The following SETBP1 variants were observed in gnomAD, a reference collection of about 807,000 sequenced individuals.
SETBP1 encodes SET-binding protein.
In SETBP1, 9 loss-of-function variants were observed where a neutral mutation model predicts 101.0. The ratio of observed to expected loss-of-function variants is 0.09; its 90% confidence interval spans 0.05 to 0.16. The LOEUF (loss-of-function observed/expected upper bound fraction) is 0.16, where lower values mean the gene tolerates loss of function less well. Among genes scored for constraint, SETBP1 ranks in the 10% least tolerant of loss-of-function variants. The probability of loss-of-function intolerance (pLI) is 1.00; values close to 1 mark genes in which losing one functional copy is unlikely to be tolerated. For synonymous variants in SETBP1, 818 were observed against 788.5 expected (o/e 1.04, Z -0.63); for missense variants, 1,858 against 2,033.8 (o/e 0.91, Z 1.66).
intron 4 of SETBP1, among the ~76,000 whole-genome samples, chr18:45,009,147 C>T (rs1014936315): frequency 5.9e-5 from 9 of 152,080 alleles, no homozygotes; most frequent in Non-Finnish European, 1.2e-4. Flanking sequence ...CCACAGGGCA[C>T]CGGAAGGAGT....
At chr18:44,946,283 A>G (rs77506365) in intron 3 of SETBP1, among the ~76,000 whole-genome samples, 272 of 152,302 alleles carry the variant, frequency 1.8e-3, no homozygotes, top group African/African-American at 6.2e-3. Flanking sequence ...GGTAGGAACA[A>G]TGGGATCAGG....
At chr18:44,808,581 G>A (rs1393622815) in intron 2 of SETBP1, among the ~76,000 whole-genome samples, 1 of 152,102 alleles carries the variant, frequency 6.6e-6, no homozygotes, top group Non-Finnish European at 1.5e-5. Context: ...ACAGAAAAGC[G>A]GTCAGGACCC....
intron 4 of SETBP1, among the ~76,000 whole-genome samples, chr18:45,017,139 T>C (rs2072963691): frequency 1.3e-5 from 2 of 152,024 alleles, no homozygotes; most frequent in Non-Finnish European, 2.9e-5. Flanking sequence ...GGACTCTGAA[T>C]TGATTTTCAC....
rs10699106 is a variant in SETBP1, at chr18:44,860,747, CA to C, written c.487-8469del. Among the ~76,000 whole-genome samples, 298 of 133,080 alleles carry C rather than the reference CA, an allele frequency of 2.2e-3. 1 individual carries two copies. The highest frequency in any genetic ancestry group is 0.011 in the East Asian group (51 of 4,592). 87.3% of individuals were successfully genotyped at this position (133,080 alleles called of 152,430 possible). A position where few individuals can be genotyped will look rare whatever the true frequency, so the allele number is the denominator to read the frequency against. ...GGGTGACAAGAGTGAAACTTCATCT[CA>C]AAAAAAAAAAAAAGTATAAAGAAAG... On this transcript the variant is annotated intron_variant, in intron 2 of 5. Coordinates refer to ENST00000649279, the MANE Select transcript of SETBP1 (RefSeq NM_015559.3).
intron 2 of SETBP1, among the ~76,000 whole-genome samples, chr18:44,796,718 A>G (rs553076771): frequency 6.6e-6 from 1 of 152,286 alleles, no homozygotes; most frequent in East Asian, 1.9e-4. Context: ...CCTTCTTTCA[A>G]TGTAGGGTTT....
At chr18:44,771,837 G>A (rs1420998671) in intron 2 of SETBP1, among the ~76,000 whole-genome samples, 2 of 152,186 alleles carry the variant, frequency 1.3e-5, no homozygotes, top group African/African-American at 4.8e-5. Flanking sequence ...GGGAATGGAG[G>A]AGAAACTCTG....
At chr18:44,736,378 C>T (rs1235349811) in intron 2 of SETBP1, among the ~76,000 whole-genome samples, 3 of 152,192 alleles carry the variant, frequency 2.0e-5, no homozygotes, top group Non-Finnish European at 4.4e-5. Context: ...GAGATCACGT[C>T]TGTTTACTTA....
At position 45,002,291 on chromosome 18, in the gene SETBP1, A is replaced by T. The variant is rs1176280750; in HGVS notation, c.4001-36194A>T. 8.0e-5 allele frequency among the ~76,000 whole-genome samples: 11 copies of T among 136,916 alleles called. 1 individual carries two copies. The highest frequency in any genetic ancestry group is 7.1e-4 in the South Asian group (3 of 4,228). 89.8% of individuals were successfully genotyped at this position (136,916 alleles called of 152,430 possible). A position where few individuals can be genotyped will look rare whatever the true frequency, so the allele number is the denominator to read the frequency against. On this transcript the variant is annotated intron_variant, in intron 4 of 5. Transcript: ENST00000649279. ...TGGAGGGCAAGGGTTGAGAAGAACC[A>T]TTTTTTTTTTTTTTTTGTCAAGAGG...
At chr18:45,031,669 A>G (rs1297040586) in intron 4 of SETBP1, among the ~76,000 whole-genome samples, 1 of 152,238 alleles carries the variant, frequency 6.6e-6, no homozygotes, top group Non-Finnish European at 1.5e-5. Context: ...TCCATCTAAC[A>G]TTTGTAAGTA....
intron 1 of SETBP1, among the ~76,000 whole-genome samples, chr18:44,699,350 G>A (rs1205543698): frequency 2.6e-5 from 4 of 152,166 alleles, no homozygotes; most frequent in Non-Finnish European, 5.9e-5. Context: ...AATTTCCTAA[G>A]GTACATTGAT....
intron 3 of SETBP1, among the ~76,000 whole-genome samples, chr18:44,945,361 C>G (rs2071181686): frequency 6.6e-6 from 1 of 152,212 alleles, no homozygotes. Context: ...GAGAGAATAG[C>G]TATCTACTTT....
intron 2 of SETBP1, among the ~76,000 whole-genome samples, chr18:44,820,284 C>T (rs1406868295): frequency 6.6e-6 from 1 of 152,204 alleles, no homozygotes; most frequent in Non-Finnish European, 1.5e-5. Flanking sequence ...TTCAATCACA[C>T]CAGTTGGTTG....
rs138876426 is a variant in SETBP1, at chr18:44,904,028, T to C, written c.540+34745T>C. Among the ~76,000 whole-genome samples the C allele has an allele frequency of 4.1e-3, 618 of 152,310 alleles. 7 individuals are homozygous for C. The highest frequency in any genetic ancestry group is 0.014 in the African/African-American group (591 of 41,566). On this transcript the variant is annotated intron_variant, in intron 3 of 5. Transcript: ENST00000649279. ...TCTTATTATCTTACATAAAATCTTC[T>C]AGGGTACTGAGTCTACAGCAGGCAA... is the stretch of plus-strand genomic sequence containing the variant.
chr18:45,046,912 A>G (rs2073624462), intron 5 of SETBP1, among the ~76,000 whole-genome samples: 1 of 152,230 alleles, frequency 6.6e-6, no homozygotes, highest in Admixed American at 6.5e-5. Flanking sequence ...GTAGATACTC[A>G]ATAGACATGC....
At chr18:44,827,485 G>A (rs148845839) in intron 2 of SETBP1, among the ~76,000 whole-genome samples, 23 of 152,300 alleles carry the variant, frequency 1.5e-4, no homozygotes, top group African/African-American at 5.3e-4. Flanking sequence ...CAGCCCCCAT[G>A]ATAGCTCATT....
intron 4 of SETBP1, among the ~76,000 whole-genome samples, chr18:44,957,608 C>A (rs1292868843): frequency 6.6e-6 from 1 of 152,110 alleles, no homozygotes; most frequent in Non-Finnish European, 1.5e-5. Context: ...TAGCTTCTTT[C>A]TTGCCCTTTG....
At chr18:44,776,056 A>G (rs568878606) in intron 2 of SETBP1, among the ~76,000 whole-genome samples, 16 of 152,276 alleles carry the variant, frequency 1.1e-4, no homozygotes, top group East Asian at 7.7e-4. Context: ...CTCATCTCCT[A>G]TGAAGTCCGG....
At chr18:44,725,743 G>A (rs957191087) in intron 2 of SETBP1, among the ~76,000 whole-genome samples, 6 of 152,056 alleles carry the variant, frequency 3.9e-5, no homozygotes, top group African/African-American at 1.2e-4. Flanking sequence ...ACTTCCCAGC[G>A]GCTCTGGGTG....
chr18:44,717,019 A>G (rs2069482748), intron 2 of SETBP1, among the ~76,000 whole-genome samples: 1 of 152,136 alleles, frequency 6.6e-6, no homozygotes, highest in South Asian at 2.1e-4. Context: ...AATCTTCCCC[A>G]CAACCGCAAT....
Sources: allele counts gnomAD v4.1 joint callset (sites outside exome capture counted in the v4.1 genomes callset), GRCh38; gene constraint gnomAD v4.1.1; transcripts MANE v1.5; gene names NCBI Gene and HGNC (gene_info 2026-07-23, HGNC 2026-07-21).